Variants in DLG2 observed in about 807,000 individuals in gnomAD.
DLG2 encodes discs large MAGUK scaffold protein 2.
DLG2 carries 45 observed loss-of-function variants against 132.5 expected under a neutral mutation model. The observed-to-expected ratio is 0.34, with a 90% CI of 0.27 to 0.44. The LOEUF (loss-of-function observed/expected upper bound fraction) is 0.44. Ranked by LOEUF, DLG2 falls within the 20% of genes least tolerant of loss-of-function variation. DLG2 has a pLI of 1.00. For missense variants in DLG2, 1,045 were observed against 1,196.9 expected (o/e 0.87, Z 1.87); for synonymous variants, 424 against 419.6 (o/e 1.01, Z -0.13).
intron 19 of DLG2, among the ~76,000 whole-genome samples, chr11:83,626,772 A>G (rs559480334): frequency 6.6e-6 from 1 of 152,312 alleles, no homozygotes; most frequent in Admixed American, 6.5e-5. Context: ...ATATGCAGTG[A>G]GTCTTTCTAT....
intron 3 of DLG2, among the ~76,000 whole-genome samples, chr11:85,491,595 T>G (rs750834483): frequency 7.9e-5 from 12 of 152,108 alleles, no homozygotes; most frequent in Non-Finnish European, 1.2e-4. Context: ...CAGTACTGTT[T>G]CTACATGCTA....
chr11:84,389,800 C>G (rs2154439943), intron 7 of DLG2, among the ~76,000 whole-genome samples: 1 of 152,238 alleles, frequency 6.6e-6, no homozygotes, highest in African/African-American at 2.4e-5. Flanking sequence ...AGAAATGCAG[C>G]TAGCTCTGGC....
At chr11:84,821,094 C>T (rs1441477989) in intron 6 of DLG2, among the ~76,000 whole-genome samples, 1 of 151,634 alleles carries the variant, frequency 6.6e-6, no homozygotes, top group Non-Finnish European at 1.5e-5. Context: ...AAGAATGTAC[C>T]GTATAAATTA....
chr11:83,640,813 G>A (rs1469962508), intron 18 of DLG2, among the ~76,000 whole-genome samples: 1 of 152,182 alleles, frequency 6.6e-6, no homozygotes, highest in Non-Finnish European at 1.5e-5. Context: ...AATACAGTCA[G>A]TTCCATGTTA....
Position 84,203,301 on chromosome 11 carries a change from C to A in DLG2, c.574-39790G>T, listed in dbSNP as rs185998969. Among the ~76,000 whole-genome samples the A allele has an allele frequency of 7.2e-5, 11 of 151,912 alleles. No homozygotes were observed. In the East Asian group the frequency reaches 1.9e-3, roughly 27 times the overall value. On this transcript the variant is annotated intron_variant, in intron 8 of 27. Transcript: ENST00000376104. ...TGCAGCCATAAAAAGGAATGCGATC[C>A]GCCAGGTGTGGTGGCTCACGCCTGT...
chr11:85,467,535 G>A (rs1023908708), intron 3 of DLG2, among the ~76,000 whole-genome samples: 2 of 152,080 alleles, frequency 1.3e-5, no homozygotes, highest in Admixed American at 6.5e-5. Context: ...GTTGAATTTT[G>A]TCAAAGGCCT....
intron 15 of DLG2, among the ~76,000 whole-genome samples, chr11:83,898,405 A>G (rs959362783): frequency 6.6e-6 from 1 of 152,036 alleles, no homozygotes; most frequent in South Asian, 2.1e-4. Context: ...AAAATTGTAA[A>G]TTATAAATTT....
intron 11 of DLG2, among the ~76,000 whole-genome samples, chr11:83,987,988 T>C (rs578066175): frequency 6.6e-6 from 1 of 152,234 alleles, no homozygotes; most frequent in African/African-American, 2.4e-5. Context: ...GGTTGTTTGT[T>C]TTTTTCTTGT....
At chr11:83,617,059 C>G (rs943306027) in intron 19 of DLG2, among the ~76,000 whole-genome samples, 3 of 152,166 alleles carry the variant, frequency 2.0e-5, no homozygotes, top group African/African-American at 7.2e-5. Flanking sequence ...CATAATAAAT[C>G]CTAACATCAT....
chr11:83,461,071 C>T (rs1322861853), intron 27 of DLG2, among the ~76,000 whole-genome samples: 3 of 144,026 alleles, frequency 2.1e-5, no homozygotes, highest in South Asian at 4.4e-4. Flanking sequence ...TGCAGTAGCA[C>T]GATCTCGGCT....
intron 3 of DLG2, among the ~76,000 whole-genome samples, chr11:85,498,444 C>T (rs1180786039): frequency 6.6e-6 from 1 of 152,090 alleles, no homozygotes; most frequent in African/African-American, 2.4e-5. Context: ...TCCTGAGAGA[C>T]CTAAAAAGAG....
intron 3 of DLG2, among the ~76,000 whole-genome samples, chr11:85,488,092 T>C (rs1285257018): frequency 6.6e-6 from 1 of 152,184 alleles, no homozygotes; most frequent in Non-Finnish European, 1.5e-5. Context: ...GACACTGACA[T>C]GTAAGAAGTG....
chr11:84,765,959 T>C (rs760761483), intron 6 of DLG2, among the ~76,000 whole-genome samples: 1 of 152,056 alleles, frequency 6.6e-6, no homozygotes, highest in African/African-American at 2.4e-5. Flanking sequence ...TAAAGTAATC[T>C]GTACACTCTC....
intron 6 of DLG2, among the ~76,000 whole-genome samples, chr11:84,759,023 A>G (rs1422866039): frequency 6.6e-6 from 1 of 152,068 alleles, no homozygotes; most frequent in Non-Finnish European, 1.5e-5. Context: ...AACTACAGGC[A>G]CGCACCACCA....
chr11:84,234,007 T>G (rs921592118), intron 8 of DLG2, among the ~76,000 whole-genome samples: 1 of 152,116 alleles, frequency 6.6e-6, no homozygotes. Context: ...AAGATACACA[T>G]TAAGAGGCAA....
chr11:83,720,290 C>G (rs1386960843), intron 18 of DLG2, among the ~76,000 whole-genome samples: 1 of 21,038 alleles, frequency 4.8e-5, no homozygotes, highest in Non-Finnish European at 9.9e-5. Flanking sequence ...GAGACTCCAT[C>G]TCAGAAAAAA....
At chr11:84,012,113 C>T (rs1051111491) in intron 11 of DLG2, among the ~76,000 whole-genome samples, 5 of 152,102 alleles carry the variant, frequency 3.3e-5, no homozygotes, top group Middle Eastern at 3.4e-3. Flanking sequence ...ATGGATAGTT[C>T]GCTTGCTTTT....
chr11:83,502,754 C>G (rs1455614712), intron 21 of DLG2, among the ~76,000 whole-genome samples: 1 of 152,102 alleles, frequency 6.6e-6, no homozygotes, highest in Admixed American at 6.6e-5. Context: ...AACCTATAAG[C>G]TGATTTACCC....
intron 6 of DLG2, among the ~76,000 whole-genome samples, chr11:84,553,874 T>TG (rs1377303665): frequency 6.6e-6 from 1 of 152,160 alleles, no homozygotes; most frequent in African/African-American, 2.4e-5. Context: ...AATGAGTGCT[T>TG]GGGGGGAATA....
Sources: allele counts gnomAD v4.1 joint callset (sites outside exome capture counted in the v4.1 genomes callset), GRCh38; gene constraint gnomAD v4.1.1; transcripts MANE v1.5; gene names NCBI Gene and HGNC (gene_info 2026-07-23, HGNC 2026-07-21).